The following KANK1 variants were observed in gnomAD, a reference collection of about 807,000 sequenced individuals.
The protein encoded by KANK1 is KN motif and ankyrin repeat domain-containing protein 1.
In KANK1, 109 loss-of-function variants were observed where a neutral mutation model predicts 106.2. The ratio of observed to expected loss-of-function variants is 1.03; its 90% confidence interval spans 0.88 to 1.20. The LOEUF (loss-of-function observed/expected upper bound fraction) is 1.20, where lower values mean the gene tolerates loss of function less well. Among genes scored for constraint, KANK1 ranks in the 50% most tolerant of loss-of-function variants. The pLI is 0.00. For synonymous variants in KANK1, 873 were observed against 652.2 expected (o/e 1.34, Z -5.16); for missense variants, 2,399 against 1,710.7 (o/e 1.40, Z -7.10).
rs147714853 is a variant in KANK1, at chr9:711,982, G to A, written c.1216G>A (p.Glu406Lys). 251 of 1,614,058 alleles carry A rather than the reference G, an allele frequency of 1.6e-4. No homozygotes were observed. The highest frequency in any genetic ancestry group is 1.4e-3 in the Admixed American group (83 of 59,998). The change falls in exon 3 of 12, where the codon GAG (glutamate) becomes AAG (lysine). Residue 406 changes from glutamate (E) to lysine (K), a missense_variant. Transcript: ENST00000382297. Reference protein sequence around the residue: ...GECRSVAVGAEENMNDIVVYH... With the variant: ...GECRSVAVGAKENMNDIVVYH... The stretch of plus-strand genomic sequence containing the variant: ...GTGCCGGTCTGTGGCTGTGGGTGCC[G>A]AGGAGAACATGAACGACATCGTCGT...
intron 1 of KANK1, among the ~76,000 whole-genome samples, chr9:546,125 G>A (rs563410964): frequency 7.2e-5 from 11 of 152,138 alleles, no homozygotes; most frequent in Non-Finnish European, 1.3e-4. Context: ...AGTGGACCGT[G>A]CATGGGACTT....
chr9:532,509 C>G (rs975068912), intron 1 of KANK1, among the ~76,000 whole-genome samples: 18 of 151,740 alleles, frequency 1.2e-4, no homozygotes, highest in Non-Finnish European at 2.9e-5. Context: ...AAACTCTGCA[C>G]CCATTCAACC....
At chr9:652,519 G>C (rs1841137603) in intron 1 of KANK1, among the ~76,000 whole-genome samples, 1 of 152,012 alleles carries the variant, frequency 6.6e-6, no homozygotes, top group Non-Finnish European at 1.5e-5. Context: ...GCGAAACTGT[G>C]TCTCAAAAGT....
At chr9:491,541 A>G (rs778488628) in intron 3 of KANK1, among the ~76,000 whole-genome samples, 2 of 152,094 alleles carry the variant, frequency 1.3e-5, no homozygotes, top group African/African-American at 2.4e-5. Context: ...TGCTGGGATT[A>G]CAGGTGTGAG....
chr9:545,897 C>A (rs2060903092), intron 1 of KANK1, among the ~76,000 whole-genome samples: 1 of 152,000 alleles, frequency 6.6e-6, no homozygotes, highest in Non-Finnish European at 1.5e-5. Context: ...AGGCATGCAC[C>A]ACCATGCCCG....
At chr9:679,904 A>C (rs1258124689) in intron 2 of KANK1, among the ~76,000 whole-genome samples, 1 of 152,164 alleles carries the variant, frequency 6.6e-6, no homozygotes, top group African/African-American at 2.4e-5. Context: ...TTACAAAGGA[A>C]ACACCTCTCC....
rs532812991 is a variant in KANK1, at chr9:631,357, T to G, written c.-83-45533T>G. ...CCCTGGGCAGCCTTAACCAGGAAAA[T>G]TTCATAGTCTCCTTGGCATTCCATC... On this transcript the variant is annotated intron_variant, in intron 1 of 11. Coordinates refer to ENST00000382297, the MANE Select transcript of KANK1 (RefSeq NM_015158.5). Among the ~76,000 whole-genome samples the G allele has an allele frequency of 5.9e-5, 9 of 152,140 alleles. No individual in the cohort carries two copies. In the East Asian group the frequency reaches 1.7e-3, roughly 29 times the overall value.
chr9:525,528 C>T (rs928677109), intron 1 of KANK1, among the ~76,000 whole-genome samples: 26 of 151,282 alleles, frequency 1.7e-4, no homozygotes, highest in Admixed American at 1.4e-3. Context: ...TGCTGGGATG[C>T]GCCGCCATGC....
intron 1 of KANK1, among the ~76,000 whole-genome samples, chr9:641,234 G>T (rs546540859): frequency 2.0e-5 from 3 of 152,330 alleles, no homozygotes; most frequent in South Asian, 4.1e-4. Flanking sequence ...AATGCAATCA[G>T]ATATGAACAG....
chr9:472,323 T>C (rs754798696), intron 2 of KANK1, among the ~76,000 whole-genome samples: 2 of 152,178 alleles, frequency 1.3e-5, no homozygotes, highest in Admixed American at 1.3e-4. Context: ...CTTTCCACTT[T>C]CCTAAGATGG....
At chr9:615,948 G>A (rs1831712439) in intron 1 of KANK1, among the ~76,000 whole-genome samples, 1 of 152,144 alleles carries the variant, frequency 6.6e-6, no homozygotes, top group South Asian at 2.1e-4. Flanking sequence ...ATGTTCAACA[G>A]CTGTGTTGAT....
intron 1 of KANK1, among the ~76,000 whole-genome samples, chr9:586,945 C>G (rs1823634603): frequency 6.6e-6 from 1 of 152,218 alleles, no homozygotes; most frequent in Non-Finnish European, 1.5e-5. Context: ...CCCTCTCCTG[C>G]AGATCTCAAG....
chr9:627,152 G>A (rs187771987), intron 1 of KANK1, among the ~76,000 whole-genome samples: 44 of 152,246 alleles, frequency 2.9e-4, no homozygotes, highest in African/African-American at 1.0e-3. Flanking sequence ...TGAAATGTAA[G>A]ATACAGATTG....
In KANK1 at chr9:629,443, A is replaced by G. The variant is rs144506356; in HGVS notation, c.-83-47447A>G. 6.6e-3 allele frequency among the ~76,000 whole-genome samples: 1,004 copies of G among 152,350 alleles called. 9 individuals carry two copies. The highest frequency in any genetic ancestry group is 0.01 in the Non-Finnish European group (701 of 68,038). ...ATGTTAATAAATATTTCTACGTGTAATGGAGAAACAAGCCATAAAAGTAGC... is the reference window on the plus strand; with the variant it reads ...ATGTTAATAAATATTTCTACGTGTAGTGGAGAAACAAGCCATAAAAGTAGC... On this transcript the variant is annotated intron_variant, in intron 1 of 11. Coordinates refer to ENST00000382297, the MANE Select transcript of KANK1 (RefSeq NM_015158.5).
chr9:711,412 T>C lies in KANK1; in HGVS notation c.646T>C (p.Tyr216His). The part of the protein sequence containing the change: ...NPAKHQLQNG[Y>H]QGNGDYGSYA... ...TGCCAAGCACCAGCTTCAGAATGGA[T>C]ACCAAGGTAATGGGGATTATGGTAG... Residue 216 changes from tyrosine (Y) to histidine (H), a missense_variant, in exon 3 of 12, where the codon TAC becomes CAC. By Grantham distance (83) the Tyr-to-His change is moderately conservative. Transcript: ENST00000382297. The C allele has an allele frequency of 6.2e-7, 1 of 1,614,180 alleles. No homozygotes were observed. Among genetic ancestry groups the C allele is most frequent in the Non-Finnish European group, 8.5e-7 (1 of 1,180,030 alleles).
At position 711,841 on chromosome 9, in the gene KANK1, CAG is replaced by C; in HGVS notation, c.1078_1079del (p.Ser360HisfsTer27). 1 of 1,614,112 alleles carries C rather than the reference CAG, an allele frequency of 6.2e-7. No homozygotes were observed. The highest frequency in any genetic ancestry group is 8.5e-7 in the Non-Finnish European group (1 of 1,180,024). On this transcript the variant is annotated frameshift_variant, in exon 3 of 12. Transcript: ENST00000382297. LOFTEE classifies it high-confidence loss of function. ...YEEEEMETVE[Q>X]STQRIKEFRQ... ...GGAGGAAGAAATGGAGACCGTAGAA[CAG>C]AGCACGCAGAGGATAAAGGAGTTCC...
At chr9:635,454 A>G (rs1200567039) in intron 1 of KANK1, among the ~76,000 whole-genome samples, 1 of 152,070 alleles carries the variant, frequency 6.6e-6, no homozygotes, top group African/African-American at 2.4e-5. Flanking sequence ...CCCTGACTTT[A>G]TTTGTGCAAA....
chr9:610,408 T>G (rs193237467), intron 1 of KANK1, among the ~76,000 whole-genome samples: 2 of 152,156 alleles, frequency 1.3e-5, no homozygotes, highest in African/African-American at 4.8e-5. Flanking sequence ...TTGAGTGATA[T>G]GGAAGTGATA....
chr9:671,212 T>C (rs1268038253), intron 1 of KANK1, among the ~76,000 whole-genome samples: 3 of 138,678 alleles, frequency 2.2e-5, no homozygotes, highest in African/African-American at 5.2e-5. Flanking sequence ...TTTAGAACCT[T>C]CTACCTGGTG....
Sources: allele counts gnomAD v4.1 joint callset (sites outside exome capture counted in the v4.1 genomes callset), GRCh38; gene constraint gnomAD v4.1.1; transcripts MANE v1.5; gene names NCBI Gene and HGNC (gene_info 2026-07-23, HGNC 2026-07-21).